The following ALPK1 variants were observed in gnomAD, a reference collection of about 807,000 sequenced individuals.
ALPK1 encodes the protein alpha kinase 1.
In ALPK1, 110 loss-of-function variants were observed where a neutral mutation model predicts 120.6. That is an observed-to-expected ratio of 0.91 (90% CI 0.78 to 1.07). The LOEUF is 1.07. ALPK1 is among the 50% of genes least tolerant of loss of function. ALPK1 has a pLI of 0.00. For synonymous variants in ALPK1, 582 were observed against 560.3 expected (o/e 1.04, Z -0.55); for missense variants, 1,498 against 1,483.9 (o/e 1.01, Z -0.16).
chr4:112,386,669 C>T (rs544695366), intron 4 of ALPK1, among the ~76,000 whole-genome samples: 7 of 152,130 alleles, frequency 4.6e-5, no homozygotes, highest in Non-Finnish European at 8.8e-5. Context: ...TTGTAAACAC[C>T]GAGCTGCCCT....
At chr4:112,388,918 TC>T (rs1453114866) in intron 4 of ALPK1, among the ~76,000 whole-genome samples, 11 of 152,196 alleles carry the variant, frequency 7.2e-5, no homozygotes, top group African/African-American at 2.7e-4. Flanking sequence ...GGGTTATAAT[TC>T]CCTTTTCACA....
intron 1 of ALPK1, among the ~76,000 whole-genome samples, chr4:112,298,489 A>G (rs1270041432): frequency 6.6e-6 from 1 of 152,116 alleles, no homozygotes; most frequent in Non-Finnish European, 1.5e-5. Context: ...GAGAAACAAA[A>G]TACTTAAACT....
intron 5 of ALPK1, among the ~76,000 whole-genome samples, chr4:112,417,834 G>A (rs1205476083): frequency 1.3e-5 from 2 of 152,278 alleles, no homozygotes; most frequent in East Asian, 3.9e-4. Flanking sequence ...CACATGCACA[G>A]AATAAAGAAG....
rs1236052632 is a variant in ALPK1, at chr4:112,431,751, A to C, written c.2204A>C (p.His735Pro). ...DSGRPKNMGTHPSVQKEEAFE... is the reference protein window; with the variant it reads ...DSGRPKNMGTPPSVQKEEAFE... ...GGTAGGCCCAAGAATATGGGCACAC[A>C]TCCTTCAGTCCAAAAAGAAGAAGCC... The change falls in exon 11 of 16, where the codon CAT becomes CCT. Residue 735 changes from histidine (H) to proline (P), a missense_variant. Transcript: ENST00000650871. 3 of 1,614,116 alleles carry C rather than the reference A, an allele frequency of 1.9e-6. No homozygotes were observed. The African/African-American group carries it at 4.0e-5, about 22-fold the overall frequency.
At chr4:112,317,212 T>C (rs1578457804) in intron 2 of ALPK1, among the ~76,000 whole-genome samples, 1 of 152,304 alleles carries the variant, frequency 6.6e-6, no homozygotes, top group East Asian at 1.9e-4. Context: ...CTGCTGATTG[T>C]GCCCTTTGAT....
At chr4:112,402,659 T>C (rs1279803450) in intron 4 of ALPK1, among the ~76,000 whole-genome samples, 1 of 152,206 alleles carries the variant, frequency 6.6e-6, no homozygotes, top group South Asian at 2.1e-4. Flanking sequence ...TGTGAGCCTC[T>C]CTCTTCAGAA....
In ALPK1 at chr4:112,431,513, G is replaced by C; in HGVS notation, c.1966G>C (p.Asp656His). 1 of 1,614,170 alleles carries C rather than the reference G, an allele frequency of 6.2e-7. No individual in the cohort carries two copies. Among genetic ancestry groups the C allele is most frequent in the Non-Finnish European group, 8.5e-7 (1 of 1,180,038 alleles). Residue 656 changes from aspartate (D) to histidine (H), a missense_variant, in exon 11 of 16, where the codon GAC (aspartate) becomes CAC (histidine). Asp to His is a moderately conservative substitution (Grantham distance 81). Transcript: ENST00000650871. Reference sequence around the variant, plus strand: ...TCTCTCTCTTCAGGAACCCAACAATGACAATTTGGAGCCTTCTCAAAATCA... The same window carrying C: ...TCTCTCTCTTCAGGAACCCAACAATCACAATTTGGAGCCTTCTCAAAATCA... ...HDLSLQEPNN[D>H]NLEPSQNQPQ... is the part of the protein sequence containing the mutation.
intron 2 of ALPK1, among the ~76,000 whole-genome samples, chr4:112,325,412 A>T (rs545419421): frequency 6.6e-6 from 1 of 152,346 alleles, no homozygotes; most frequent in South Asian, 2.1e-4. Context: ...CAAATGAAAT[A>T]TCGTATCCTC....
At chr4:112,413,889 G>A (rs1733607153) in intron 5 of ALPK1, among the ~76,000 whole-genome samples, 1 of 152,132 alleles carries the variant, frequency 6.6e-6, no homozygotes, top group Non-Finnish European at 1.5e-5. Flanking sequence ...TAAAGGTCCT[G>A]GATCTTTTTC....
intron 2 of ALPK1, among the ~76,000 whole-genome samples, chr4:112,329,749 A>T (rs2148699966): frequency 6.6e-6 from 1 of 152,354 alleles, no homozygotes; most frequent in African/African-American, 2.4e-5. Flanking sequence ...GGCACTGCTC[A>T]TGAGGTTGAC....
Position 112,412,006 on chromosome 4 carries a change from C to T in ALPK1, c.456C>T (p.Ala152=). The T allele has an allele frequency of 1.9e-6, 3 of 1,614,080 alleles. No homozygotes were observed. Among genetic ancestry groups the T allele is most frequent in the Non-Finnish European group, 2.5e-6 (3 of 1,180,042 alleles). Residue 152 remains alanine (A), a synonymous_variant, in exon 5 of 16, where the codon GCC becomes GCT. Coordinates refer to ENST00000650871, the MANE Select transcript of ALPK1 (RefSeq NM_025144.4). ...CCCCGCAGGTGGTTATTCGCCAAGC[C>T]CGAATCTCCGTGAACTCAGGTATGC... The part of the protein sequence containing the change: ...PIAPQVVIRQ[A]RISVNSGKLL...
intron 1 of ALPK1, among the ~76,000 whole-genome samples, chr4:112,301,322 GA>G (rs1304122178): frequency 6.6e-5 from 10 of 152,196 alleles, no homozygotes; most frequent in Non-Finnish European, 7.3e-5. Flanking sequence ...AACATTTGAA[GA>G]CCTTTGAGCC....
Position 112,357,852 on chromosome 4 carries a change from G to A in ALPK1, c.-100-19826G>A, listed in dbSNP as rs540922030. 6.1e-6 allele frequency: 7 copies of A among 1,149,220 alleles called. No homozygotes were observed. In the African/African-American group the frequency reaches 9.1e-5, roughly 15 times the overall value. The allele number at this position is 1,149,220 out of a possible 1,614,324, so 71.2% of individuals were successfully genotyped here. ...TGGAGTTCTGGCAGGCCCACTACTTGGCTAGGAAGATGGAGGCGCTGAGGC... is the reference window on the plus strand; with the variant it reads ...TGGAGTTCTGGCAGGCCCACTACTTAGCTAGGAAGATGGAGGCGCTGAGGC... On this transcript the variant is annotated intron_variant, in intron 2 of 15. Coordinates refer to ENST00000650871, the MANE Select transcript of ALPK1 (RefSeq NM_025144.4).
At chr4:112,425,469 A>G (rs73841014) in intron 6 of ALPK1, 196 bp from the exon 7 acceptor site, 345 of 431,812 alleles carry the variant, frequency 8.0e-4, no homozygotes, top group African/African-American at 6.2e-3. Context: ...AAGTAGGGGA[A>G]CTGGAGACCA....
intron 5 of ALPK1, among the ~76,000 whole-genome samples, chr4:112,419,362 T>C (rs1362896875): frequency 6.6e-6 from 1 of 152,174 alleles, no homozygotes; most frequent in Non-Finnish European, 1.5e-5. Flanking sequence ...AGGATAGTTA[T>C]AAAGATGATC....
In ALPK1 at chr4:112,312,889, C is replaced by T. The variant is rs530504126; in HGVS notation, c.-152-2912C>T. 8.0e-4 allele frequency among the ~76,000 whole-genome samples: 122 copies of T among 152,270 alleles called. 2 individuals are homozygous for T. The South Asian group carries it at 0.023, about 29-fold the overall frequency. On this transcript the variant is annotated intron_variant, in intron 1 of 15. Coordinates refer to ENST00000650871, the MANE Select transcript of ALPK1 (RefSeq NM_025144.4). ...TGCCCATGCACAAATTGAAAGTGAA[C>T]GGGAGGAAACCAAGCAGTTCCTTCC...
intron 2 of ALPK1, chr4:112,358,852 A>G: frequency 1.3e-6 from 1 of 790,922 alleles, no homozygotes; most frequent in Non-Finnish European, 2.3e-6. Flanking sequence ...CTGCAGGACC[A>G]CAAGGGTTCC....
At chr4:112,338,780 G>T (rs552686480) in intron 2 of ALPK1, among the ~76,000 whole-genome samples, 44 of 152,194 alleles carry the variant, frequency 2.9e-4, no homozygotes, top group Non-Finnish European at 5.3e-4. Flanking sequence ...ATTAAAGGAA[G>T]ATGGCATGAC....
rs191027081 is a variant in ALPK1, at chr4:112,408,203, C to A, written c.277-3624C>A. Among the ~76,000 whole-genome samples the A allele has an allele frequency of 3.3e-5, 5 of 152,174 alleles. No homozygotes were observed. In the East Asian group the frequency reaches 9.6e-4, roughly 29 times the overall value. On this transcript the variant is annotated intron_variant, in intron 4 of 15. Transcript: ENST00000650871. ...AGGGCATTCACAGGCTATCTGAGTA[C>A]CCCCCAAGGTCCATAGCCATAAGCA...
Sources: gnomAD v4.1 joint callset for allele counts (sites outside exome capture counted in the v4.1 genomes callset) on GRCh38, gnomAD v4.1.1 for gene constraint, MANE v1.5 for transcripts, NCBI Gene and HGNC (gene_info 2026-07-23, HGNC 2026-07-21) for gene names.